TUBA1C: variants seen among roughly 807,000 people sequenced by gnomAD.
TUBA1C encodes tubulin alpha 1c.
In TUBA1C, 16 loss-of-function variants were observed where a neutral mutation model predicts 34.9. That is an observed-to-expected ratio of 0.46 (90% CI 0.31 to 0.70). The LOEUF (loss-of-function observed/expected upper bound fraction) is 0.70, where lower values mean the gene tolerates loss of function less well. Among genes scored for constraint, TUBA1C ranks in the 30% least tolerant of loss-of-function variants. The pLI, the probability that TUBA1C is intolerant of heterozygous loss-of-function variation, is 0.05. For missense variants in TUBA1C, 329 were observed against 587.3 expected (o/e 0.56, Z 4.55); for synonymous variants, 177 against 215.9 (o/e 0.82, Z 1.58).
At chr12:49,258,805 G>T (rs1942813195) in intron 1 of TUBA1C, among the ~76,000 whole-genome samples, 1 of 151,094 alleles carries the variant, frequency 6.6e-6, no homozygotes, top group African/African-American at 2.4e-5. Context: ...TGCCCAGGCT[G>T]GAGTGCAATG....
chr12:49,272,051 TG>T (rs1264436449), intron 3 of TUBA1C, among the ~76,000 whole-genome samples: 1 of 151,536 alleles, frequency 6.6e-6, no homozygotes. Flanking sequence ...CTTGAACCCC[TG>T]GGCTCAAATG....
Position 49,272,896 on chromosome 12 carries a change from C to G in TUBA1C, c.1019C>G (p.Thr340Ser), listed in dbSNP as rs557189826. The change falls in exon 4 of 4, where the codon ACC becomes AGC. Residue 340 changes from threonine (T) to serine (S), a missense_variant. By Grantham distance (58) the Thr-to-Ser change is moderately conservative. Around this residue, in one of 4 missense-constraint regions of TUBA1C, gnomAD observed 140 missense variants for 289.8 expected, o/e 0.48. Transcript: ENST00000301072. The stretch of plus-strand genomic sequence containing the variant: ...ATTGCCACCATCAAAACCAAGCGTA[C>G]CATCCAGTTTGTGGATTGGTGCCCC... The part of the protein sequence containing the change: ...AAIATIKTKR[T>S]IQFVDWCPTG... 5.6e-6 allele frequency: 9 copies of G among 1,614,186 alleles called. No individual in the cohort carries two copies. The highest frequency in any genetic ancestry group is 2.2e-5 in the South Asian group (2 of 91,080).
intron 1 of TUBA1C, among the ~76,000 whole-genome samples, chr12:49,247,887 G>A (rs765070518): frequency 6.7e-6 from 1 of 150,184 alleles, no homozygotes; most frequent in Non-Finnish European, 1.5e-5. Flanking sequence ...GGCAGAAGTT[G>A]CAGTGAGCCG....
intron 1 of TUBA1C, among the ~76,000 whole-genome samples, chr12:49,245,768 G>A (rs1592276403): frequency 6.6e-6 from 1 of 152,170 alleles, no homozygotes; most frequent in Non-Finnish European, 1.5e-5. Context: ...CTCAAAGTGG[G>A]CCTACTTTGT....
chr12:49,236,970 T>C (rs762302258), intron 1 of TUBA1C, among the ~76,000 whole-genome samples: 15 of 152,220 alleles, frequency 9.9e-5, no homozygotes, highest in Admixed American at 5.2e-4. Flanking sequence ...ATAGTCAATA[T>C]GTTATAAGGA....
At chr12:49,261,536 A>G (rs1284039068), upstream of TUBA1C, among the ~76,000 whole-genome samples, 1 of 152,240 alleles carries the variant, frequency 6.6e-6, no homozygotes, top group African/African-American at 2.4e-5. Context: ...CCACAGTTCC[A>G]TAATAAATAC....
intron 1 of TUBA1C, among the ~76,000 whole-genome samples, chr12:49,239,972 CTTG>C (rs1284798391): frequency 2.6e-5 from 4 of 151,618 alleles, no homozygotes; most frequent in Non-Finnish European, 5.9e-5. Flanking sequence ...ACTGTTTTCT[CTTG>C]TTGTTCTGCT....
At chr12:49,228,499 G>A (rs547393755) in intron 1 of TUBA1C, among the ~76,000 whole-genome samples, 2 of 152,244 alleles carry the variant, frequency 1.3e-5, no homozygotes, top group South Asian at 4.2e-4. Flanking sequence ...TCAAAAGTGG[G>A]TTGCACAGGG....
At chr12:49,266,447 G>T (rs1228719879) in intron 1 of TUBA1C, among the ~76,000 whole-genome samples, 1 of 151,610 alleles carries the variant, frequency 6.6e-6, no homozygotes, top group Non-Finnish European at 1.5e-5. Flanking sequence ...AAAAAAACCC[G>T]CAAACCCCAG....
chr12:49,251,805 G>T (rs537239123), intron 1 of TUBA1C, among the ~76,000 whole-genome samples: 3 of 150,802 alleles, frequency 2.0e-5, no homozygotes, highest in African/African-American at 7.3e-5. Context: ...TATACAACAC[G>T]ACCAAGTTGT....
At chr12:49,265,969 AAAAC>A (rs1166331590) in intron 1 of TUBA1C, among the ~76,000 whole-genome samples, 7 of 141,434 alleles carry the variant, frequency 4.9e-5, no homozygotes, top group Admixed American at 1.4e-4. Context: ...AAAAAAAAAA[AAAAC>A]AAAAAAAAAC....
At chr12:49,263,265 G>A (rs544627498), upstream of TUBA1C, among the ~76,000 whole-genome samples, 3 of 151,940 alleles carry the variant, frequency 2.0e-5, no homozygotes, top group African/African-American at 4.8e-5. Context: ...CAAGTGATCC[G>A]CCCGCCTCCC....
chr12:49,272,277 G>A lies in TUBA1C; in HGVS notation c.400G>A (p.Gly134Ser). ...GGCTGACCAGTGCACCGGTCTTCAG[G>A]GCTTCTTGGTTTTCCACAGCTTTGG... ...KLADQCTGLQ[G>S]FLVFHSFGGG... Residue 134 changes from glycine (G) to serine (S), a missense_variant, in exon 4 of 4, where the codon GGC becomes AGC. Gly to Ser is a moderately conservative substitution (Grantham distance 56). Around this residue, in one of 4 missense-constraint regions of TUBA1C, gnomAD observed 152 missense variants for 240.3 expected, o/e 0.63. Transcript: ENST00000301072. 2 of 1,612,690 alleles carry A rather than the reference G, an allele frequency of 1.2e-6. No homozygotes were observed. The highest frequency in any genetic ancestry group is 8.5e-7 in the Non-Finnish European group (1 of 1,179,290).
intron 1 of TUBA1C, among the ~76,000 whole-genome samples, chr12:49,240,460 T>C (rs1034612462): frequency 6.6e-6 from 1 of 152,152 alleles, no homozygotes. Context: ...TCAGTCCTCT[T>C]CTCTCCTCTC....
intron 1 of TUBA1C, among the ~76,000 whole-genome samples, chr12:49,267,527 T>G (rs1411150590): frequency 6.6e-6 from 1 of 152,156 alleles, no homozygotes; most frequent in African/African-American, 2.4e-5. Flanking sequence ...GGCATGGTGG[T>G]GGGCACCTGT....
At chr12:49,248,586 G>A (rs1296260960) in intron 1 of TUBA1C, among the ~76,000 whole-genome samples, 3 of 150,516 alleles carry the variant, frequency 2.0e-5, no homozygotes, top group Admixed American at 6.6e-5. Flanking sequence ...GAAAAGGGCC[G>A]GGCACGGTGG....
chr12:49,267,932 C>T (rs11168951), intron 1 of TUBA1C, among the ~76,000 whole-genome samples: 16,553 of 152,214 alleles, frequency 0.11, 1,939 homozygotes, highest in East Asian at 0.61. Flanking sequence ...TGCCAAACAC[C>T]CTTTTTGTTT....
At position 49,232,905 on chromosome 12, in the gene TUBA1C, A is replaced by C. The variant is rs918858653; in HGVS notation, c.213+4739A>C. 2.0e-5 allele frequency: 3 copies of C among 152,164 alleles called. No homozygotes were observed. The East Asian group carries it at 5.8e-4, about 29-fold the overall frequency. The allele number at this position is 152,164 out of a possible 1,614,324, so 9.4% of individuals were successfully genotyped here. ...CTTAACGGCATGTTAAAATTCTAAA[A>C]ATAGTTTGACCCTGCATTTCACAGA... On this transcript the variant is annotated intron_variant, in intron 1 of 3. Coordinates refer to the TUBA1C transcript ENST00000541364.
At chr12:49,228,121 A>G (rs1942459115) in exon 1 of TUBA1C, 1 of 1,535,716 alleles carries the variant, frequency 6.5e-7, no homozygotes, top group South Asian at 1.2e-5. Context: ...CTTTTAACAC[A>G]TGCACATCCA....
Sources: gnomAD v4.1 joint callset for allele counts (sites outside exome capture counted in the v4.1 genomes callset) on GRCh38, gnomAD v4.1.1 for gene constraint, gnomAD v4.1.1 regional missense constraint, MANE v1.5 for transcripts, NCBI Gene and HGNC (gene_info 2026-07-23, HGNC 2026-07-21) for gene names.